Variants in PRKDC observed in about 807,000 individuals in gnomAD.
PRKDC encodes the protein DNA-dependent protein kinase catalytic subunit.
A neutral mutation model predicts 486.9 loss-of-function variants in PRKDC; 82 were observed. The ratio of observed to expected loss-of-function variants is 0.17; its 90% CI spans 0.14 to 0.20. The LOEUF (loss-of-function observed/expected upper bound fraction) is 0.20. Ranked by LOEUF, PRKDC falls within the 10% of genes least tolerant of loss-of-function variation. The pLI is 1.00. For synonymous variants in PRKDC, 1,895 were observed against 1,837.0 expected, an observed-to-expected ratio of 1.03 and a Z score of -0.81; for missense variants, 4,504 against 5,038.2, an observed-to-expected ratio of 0.89 and a Z score of 3.21.
intron 68 of PRKDC, among the ~76,000 whole-genome samples, chr8:47,812,342 G>C (rs1285293892): frequency 1.3e-5 from 2 of 152,122 alleles, no homozygotes; most frequent in Admixed American, 6.5e-5. Flanking sequence ...AAATTTTCAA[G>C]TTTACATAGG....
At chr8:47,805,339 G>A (rs955790634) in intron 69 of PRKDC, among the ~76,000 whole-genome samples, 5 of 152,108 alleles carry the variant, frequency 3.3e-5, no homozygotes, top group African/African-American at 7.2e-5. Context: ...GGTGTGAAGC[G>A]GTCTCTCCTT....
At chr8:47,953,391 A>G (rs1386180381) in intron 7 of PRKDC, among the ~76,000 whole-genome samples, 1 of 152,226 alleles carries the variant, frequency 6.6e-6, no homozygotes, top group Non-Finnish European at 1.5e-5. Flanking sequence ...GTGAGATCTG[A>G]CAAAGCTCAG....
At chr8:47,912,307 G>A (rs191590577) in intron 25 of PRKDC, 103 bp downstream of exon 25, 23 of 1,299,586 alleles carry the variant, frequency 1.8e-5, no homozygotes, top group African/African-American at 1.4e-4. Flanking sequence ...GAGCAGTATC[G>A]TTCCTAACCA....
In PRKDC at chr8:47,875,643, T is replaced by TC. The variant is rs1332081339; in HGVS notation, c.5363+2080dup. 4.6e-5 allele frequency among the ~76,000 whole-genome samples: 7 copies of TC among 152,198 alleles called. No individual in the cohort carries two copies. In the East Asian group the frequency reaches 7.7e-4, roughly 17 times the overall value. On this transcript the variant is annotated intron_variant, in intron 40 of 85. Coordinates refer to ENST00000314191, the MANE Select transcript of PRKDC (RefSeq NM_006904.7). ...ATTCAGATCAAAATGCTATCTGACT[T>TC]CCTTTGTAATTTCTTATTTCACCCA...
chr8:47,953,233 G>A (rs1234904110), intron 7 of PRKDC, among the ~76,000 whole-genome samples: 1 of 152,116 alleles, frequency 6.6e-6, no homozygotes, highest in Non-Finnish European at 1.5e-5. Context: ...CTTGAACCTG[G>A]GAAGCAGAGG....
At chr8:47,877,646 T>C in intron 40 of PRKDC, 78 bp downstream of exon 40, 1 of 1,342,456 alleles carries the variant, frequency 7.4e-7, no homozygotes, top group Non-Finnish European at 9.7e-7. Flanking sequence ...CTCAGCTTTT[T>C]TTTTGGAACA....
intron 71 of PRKDC, among the ~76,000 whole-genome samples, chr8:47,800,081 T>C (rs1350593593): frequency 6.6e-6 from 1 of 152,222 alleles, no homozygotes; most frequent in Non-Finnish European, 1.5e-5. Flanking sequence ...ATAAGAAAAT[T>C]GGCTGTGCGT....
At chr8:47,796,205 A>T (rs1170900750) in intron 73 of PRKDC, among the ~76,000 whole-genome samples, 1 of 152,042 alleles carries the variant, frequency 6.6e-6, no homozygotes, top group Non-Finnish European at 1.5e-5. Context: ...TCAAATTTTC[A>T]TTTCTGAAAG....
intron 22 of PRKDC, among the ~76,000 whole-genome samples, chr8:47,916,017 A>C (rs1212788103): frequency 1.3e-5 from 2 of 152,224 alleles, no homozygotes; most frequent in Non-Finnish European, 2.9e-5. Context: ...TTTTTCATCC[A>C]TGTATAATTT....
rs771213165 is a variant in PRKDC, at chr8:47,778,674, A to C, written c.11652-14T>G. On this transcript the variant is annotated splice_polypyrimidine_tract_variant and intron_variant, in intron 82 of 85. Coordinates refer to ENST00000314191, the MANE Select transcript of PRKDC (RefSeq NM_006904.7). ...ACGAAGGCCCGCCTACAAAAGAGAC[A>C]CAGCTGTGCGGCTGCTGTGATCCCA... 6.2e-7 allele frequency: 1 copy of C among 1,613,452 alleles called. No individual in the cohort carries two copies. The highest frequency in any genetic ancestry group is 2.2e-5 in the East Asian group (1 of 44,872).
intron 21 of PRKDC, among the ~76,000 whole-genome samples, chr8:47,921,564 C>T (rs2090072132): frequency 6.6e-6 from 1 of 151,946 alleles, no homozygotes; most frequent in Admixed American, 6.5e-5. Context: ...AAGGTAGGAG[C>T]CTTGGGTCAT....
intron 23 of PRKDC, among the ~76,000 whole-genome samples, chr8:47,914,380 C>A (rs143407737): frequency 7.7e-4 from 117 of 152,148 alleles, no homozygotes; most frequent in Middle Eastern, 3.4e-3. Flanking sequence ...AAAAAAAAAT[C>A]TCTTTGAAAC....
At chr8:47,867,618 T>C (rs1220743641) in intron 40 of PRKDC, among the ~76,000 whole-genome samples, 1 of 152,102 alleles carries the variant, frequency 6.6e-6, no homozygotes, top group Non-Finnish European at 1.5e-5. Flanking sequence ...CATTGAGTAA[T>C]TATAGACTAT....
chr8:47,825,578 A>C (rs1328522109), intron 63 of PRKDC, among the ~76,000 whole-genome samples: 2 of 151,870 alleles, frequency 1.3e-5, no homozygotes, highest in Admixed American at 1.3e-4. Context: ...CAAAAATATC[A>C]CAAAAGTATG....
intron 15 of PRKDC, among the ~76,000 whole-genome samples, 186 bp from the exon 16 acceptor site, chr8:47,933,358 C>G (rs1300417391): frequency 6.6e-6 from 1 of 152,162 alleles, no homozygotes; most frequent in African/African-American, 2.4e-5. Context: ...ATTATTATAA[C>G]AGCATCATTT....
chr8:47,823,936 T>C lies in PRKDC; in HGVS notation c.8844A>G (p.Gly2948=). 1 of 1,613,878 alleles carries C rather than the reference T, an allele frequency of 6.2e-7. No homozygotes were observed. The highest frequency in any genetic ancestry group is 8.5e-7 in the Non-Finnish European group (1 of 1,179,790). ...VLRGIFTSEI[G]TKQITQSALL... ...ATGCACTCTGAGTGATTTGCTTTGT[T>C]CCTATCTCACTGGTAAAAATCCCAC... Residue 2948 remains glycine, a synonymous_variant, in exon 64 of 86, where the codon GGA becomes GGG. Transcript: ENST00000314191.
chr8:47,841,509 G>C (rs2088143543), intron 54 of PRKDC, among the ~76,000 whole-genome samples: 2 of 152,288 alleles, frequency 1.3e-5, no homozygotes, highest in South Asian at 4.1e-4. Context: ...AGTGGCCTTG[G>C]AGCACTTCGG....
rs1359131908 is a variant in PRKDC, at chr8:47,938,746, C to A, written c.1113+805G>T. On this transcript the variant is annotated intron_variant, in intron 11 of 85. Transcript: ENST00000314191. ...CCGGCTAATTTTTGTATTTTTAGTA[C>A]AGACAGGGTTTTACCACCTTGGCCA... Among the ~76,000 whole-genome samples, 3 of 152,136 alleles carry A rather than the reference C, an allele frequency of 2.0e-5. No homozygotes were observed. In the East Asian group the frequency reaches 5.8e-4, roughly 30 times the overall value.
intron 52 of PRKDC, among the ~76,000 whole-genome samples, chr8:47,850,970 C>T (rs1450966047): frequency 6.6e-6 from 1 of 152,146 alleles, no homozygotes; most frequent in Non-Finnish European, 1.5e-5. Context: ...CCACCATGCC[C>T]AGCTAATTTT....
Sources: gnomAD v4.1 joint callset for allele counts (sites outside exome capture counted in the v4.1 genomes callset) on GRCh38, gnomAD v4.1.1 for gene constraint, MANE v1.5 for transcripts, NCBI Gene and HGNC (gene_info 2026-07-23, HGNC 2026-07-21) for gene names.